Variants in SDK2 observed in about 807,000 individuals in gnomAD.
The protein encoded by SDK2 is sidekick cell adhesion molecule 2.
SDK2 carries 105 observed loss-of-function variants against 253.9 expected under a neutral mutation model. The observed-to-expected ratio is 0.41, with a 90% CI of 0.35 to 0.49. The LOEUF is 0.49. SDK2 is among the 20% of genes least tolerant of loss of function. The probability of loss-of-function intolerance (pLI) is 0.06; values close to 1 mark genes in which losing one functional copy is unlikely to be tolerated. For synonymous variants in SDK2, 1,249 were observed against 1,234.9 expected, an observed-to-expected ratio of 1.01 and a Z score of -0.24; for missense variants, 2,608 against 3,003.0, an observed-to-expected ratio of 0.87 and a Z score of 3.07.
chr17:73,341,494 C>T (rs527415208), intron 44 of SDK2, among the ~76,000 whole-genome samples: 47 of 152,166 alleles, frequency 3.1e-4, no homozygotes, highest in Non-Finnish European at 4.8e-4. Context: ...CAGTGCACTG[C>T]AGCTCAGAGG....
At chr17:73,516,418 G>T (rs2064028150) in intron 1 of SDK2, among the ~76,000 whole-genome samples, 1 of 152,214 alleles carries the variant, frequency 6.6e-6, no homozygotes, top group Non-Finnish European at 1.5e-5. Flanking sequence ...GCCTGATAAA[G>T]GCTGCAGGGC....
At chr17:73,592,920 G>A (rs1338611040) in intron 1 of SDK2, among the ~76,000 whole-genome samples, 4 of 152,146 alleles carry the variant, frequency 2.6e-5, no homozygotes, top group Non-Finnish European at 5.9e-5. Context: ...GCTCACCCCG[G>A]TAATGCTGTG....
rs1464844752 is a variant in SDK2 at position 73,447,599 on chromosome 17, C to T, written c.613+16G>A. On this transcript the variant is annotated intron_variant, in intron 5 of 44. Transcript: ENST00000392650. The surrounding 1 kb of genome is among the most constrained non-coding windows in gnomAD (Gnocchi z 4.0). ...TGGCCCGCTCCAAGATCGGTCCCGG[C>T]CCTGTGCGTACTTACTCTCCACGGT... 3.9e-6 allele frequency: 6 copies of T among 1,551,866 alleles called. No individual in the cohort carries two copies. Among genetic ancestry groups the T allele is most frequent in the South Asian group, 1.2e-5 (1 of 84,058 alleles).
In SDK2 at chr17:73,643,291, G is replaced by A. The variant is rs1222831827; in HGVS notation, c.64+734C>T. ...CCACAGGTCACAGCAGCGAGCGGCTGCACAGACTATCGAGCGAACAGCGGA... is the reference window on the plus strand; with the variant it reads ...CCACAGGTCACAGCAGCGAGCGGCTACACAGACTATCGAGCGAACAGCGGA... On this transcript the variant is annotated intron_variant, in intron 1 of 44. Coordinates refer to ENST00000392650, the MANE Select transcript of SDK2 (RefSeq NM_001144952.2). The surrounding 1 kb of genome is among the most constrained non-coding windows in gnomAD (Gnocchi z 6.9). Among the ~76,000 whole-genome samples the A allele has an allele frequency of 6.6e-6, 1 of 152,206 alleles. No individual in the cohort carries two copies.
At chr17:73,462,974 A>G (rs2063574050) in intron 3 of SDK2, among the ~76,000 whole-genome samples, 1 of 152,218 alleles carries the variant, frequency 6.6e-6, no homozygotes, top group Admixed American at 6.5e-5. Context: ...CCATGTATGC[A>G]CTGAACCACA....
chr17:73,596,064 C>G (rs781050799), intron 1 of SDK2, among the ~76,000 whole-genome samples: 14 of 152,214 alleles, frequency 9.2e-5, no homozygotes, highest in Non-Finnish European at 1.8e-4. Context: ...TCACCTACCC[C>G]CTGTGCCTGC....
chr17:73,596,559 A>AG (rs1336513283), intron 1 of SDK2, among the ~76,000 whole-genome samples: 1 of 152,166 alleles, frequency 6.6e-6, no homozygotes, highest in Non-Finnish European at 1.5e-5. Flanking sequence ...AGCCTCTGAA[A>AG]GGGGGCGCTG....
intron 44 of SDK2, among the ~76,000 whole-genome samples, chr17:73,342,100 C>T (rs958313022): frequency 2.0e-5 from 3 of 151,822 alleles, no homozygotes; most frequent in Non-Finnish European, 1.5e-5. Flanking sequence ...CCCCCCACCC[C>T]GACTCCCAGC....
chr17:73,375,594 C>A (rs1273514284), intron 36 of SDK2, among the ~76,000 whole-genome samples: 1 of 152,212 alleles, frequency 6.6e-6, no homozygotes, highest in Non-Finnish European at 1.5e-5. Context: ...CACAGTGGCT[C>A]ACGCCTGTAA....
intron 8 of SDK2, 55 bp downstream of exon 8, chr17:73,437,684 G>C: frequency 7.2e-7 from 1 of 1,381,264 alleles, no homozygotes; most frequent in Non-Finnish European, 1.0e-6. Flanking sequence ...AATGAGGATG[G>C]GAGAGGCTGA....
intron 3 of SDK2, among the ~76,000 whole-genome samples, chr17:73,460,992 C>T (rs12950851): frequency 0.16 from 23,996 of 152,208 alleles, 2,554 homozygotes; most frequent in Non-Finnish European, 0.23. Context: ...GATCGAGTGG[C>T]TTATGCAGCT....
intron 44 of SDK2, among the ~76,000 whole-genome samples, chr17:73,340,900 C>T (rs2062431027): frequency 6.6e-6 from 1 of 151,794 alleles, no homozygotes. Context: ...TGTGCCACCA[C>T]ATCTGGCTAA....
At chr17:73,529,991 T>C (rs143930792) in intron 1 of SDK2, among the ~76,000 whole-genome samples, 1 of 152,144 alleles carries the variant, frequency 6.6e-6, no homozygotes, top group East Asian at 1.9e-4. Flanking sequence ...CCCAGTGGGG[T>C]TAAGTGAAAT....
intron 18 of SDK2, 50 bp downstream of exon 18, chr17:73,414,594 C>A (rs765385884): frequency 6.9e-7 from 1 of 1,447,206 alleles, no homozygotes; most frequent in Non-Finnish European, 9.7e-7. Context: ...TCCCCACCCC[C>A]TCCAGAAGAT....
chr17:73,566,459 A>G (rs73996388), intron 1 of SDK2, among the ~76,000 whole-genome samples: 2,403 of 152,198 alleles, frequency 0.016, 19 homozygotes, highest in Middle Eastern at 0.065. Flanking sequence ...AAATGTTGAA[A>G]CAGCTTTGAA....
At chr17:73,475,736 A>G (rs1437922483) in intron 2 of SDK2, among the ~76,000 whole-genome samples, 2 of 152,242 alleles carry the variant, frequency 1.3e-5, no homozygotes. Context: ...GCAAGATGCT[A>G]AACAATCTCA....
chr17:73,426,190 C>T (rs1428465805), intron 12 of SDK2, among the ~76,000 whole-genome samples: 1 of 127,276 alleles, frequency 7.9e-6, no homozygotes, highest in East Asian at 2.3e-4. Flanking sequence ...GATTACAGGC[C>T]TGCACCACCA....
At chr17:73,515,163 G>A (rs1277405647) in intron 1 of SDK2, among the ~76,000 whole-genome samples, 1 of 152,212 alleles carries the variant, frequency 6.6e-6, no homozygotes, top group Non-Finnish European at 1.5e-5. Context: ...CGCTCAGAAA[G>A]GTTCTGTAAC....
At chr17:73,458,542 CTTGGCCTAATGGT>C (rs2063544184) in intron 3 of SDK2, among the ~76,000 whole-genome samples, 2 of 152,228 alleles carry the variant, frequency 1.3e-5, no homozygotes, top group South Asian at 4.1e-4. Context: ...GGCAGCTTCA[CTTGGCCTAATGGT>C]TTGACCACAA....
Sources: gnomAD v4.1 joint callset for allele counts (sites outside exome capture counted in the v4.1 genomes callset) on GRCh38, gnomAD v4.1.1 for gene constraint, Gnocchi (gnomAD v3.1) non-coding constraint, MANE v1.5 for transcripts, NCBI Gene and HGNC (gene_info 2026-07-23, HGNC 2026-07-21) for gene names.